The following MAOB variants were observed in gnomAD, a reference collection of about 807,000 sequenced individuals.
MAOB encodes the protein amine oxidase [flavin-containing] B.
A neutral mutation model predicts 41.9 loss-of-function variants in MAOB; 15 were observed. The ratio of observed to expected loss-of-function variants is 0.36; its 90% CI spans 0.24 to 0.55. The LOEUF is 0.55. MAOB is among the 20% of genes least tolerant of loss of function. MAOB has a pLI of 0.86. For synonymous variants in MAOB, 167 were observed against 144.2 expected, an observed-to-expected ratio of 1.16 and a Z score of -1.13; for missense variants, 345 against 398.7, an observed-to-expected ratio of 0.87 and a Z score of 1.15.
chrX:43,844,852 AG>A (rs774908165), intron 1 of MAOB, among the ~76,000 whole-genome samples: 7 of 111,526 alleles, frequency 6.3e-5, no homozygotes, highest in Non-Finnish European at 1.3e-4. Context: ...CCTGGTTCTG[AG>A]GCTTCCAGAC....
chrX:43,882,166 C>T, intron 1 of MAOB, 88 bp downstream of exon 1: 1 of 1,164,544 alleles, frequency 8.6e-7, no homozygotes, highest in Non-Finnish European at 1.1e-6. Context: ...GGGTCAGCCC[C>T]TGCCCCACGG....
chrX:43,836,291 A>T (rs188444159), intron 3 of MAOB, among the ~76,000 whole-genome samples: 3 of 112,124 alleles, frequency 2.7e-5, no homozygotes, highest in Non-Finnish European at 5.6e-5. Context: ...CAGGTCAAAA[A>T]TGAGAAAAAT....
chrX:43,874,096 GT>G (rs1344769215), intron 1 of MAOB, among the ~76,000 whole-genome samples: 1 of 112,067 alleles, frequency 8.9e-6, no homozygotes, highest in Non-Finnish European at 1.9e-5. Context: ...TCTGTTTTTA[GT>G]TTTTTAAAGA....
rs755412723 is a variant in MAOB, at chrX:43,775,197, C to T, written c.1213G>A (p.Gly405Arg). The change falls in exon 12 of 15, where the codon GGG becomes AGG. Residue 405 changes from glycine (G) to arginine (R), a missense_variant. Physicochemically the swap from Gly to Arg is moderately radical, Grantham distance 125. Transcript: ENST00000378069. Reference sequence around the variant, plus strand: ...TACCTTCCATATTGAGTCAGGATCCCAGGGGGGAAATAAGTTGTGTAGCAG... The same window carrying T: ...TACCTTCCATATTGAGTCAGGATCCTAGGGGGGAAATAAGTTGTGTAGCAG... ...GGCYTTYFPPGILTQYGRVLR... is the reference protein window; with the variant it reads ...GGCYTTYFPPRILTQYGRVLR... 16 of 1,196,602 alleles carry T rather than the reference C, an allele frequency of 1.3e-5. No homozygotes were observed. Among genetic ancestry groups the T allele is most frequent in the Non-Finnish European group, 1.8e-5 (16 of 890,141 alleles).
At position 43,769,801 on chromosome X, in the gene MAOB, G is replaced by T. The variant is rs1439788089; in HGVS notation, c.1236-383C>A. 1.8e-5 allele frequency among the ~76,000 whole-genome samples: 2 copies of T among 111,327 alleles called. 1 individual carries two copies. The highest frequency in any genetic ancestry group is 1.9e-4 in the Admixed American group (2 of 10,505). ...ATTCCCCACTGGCTATTCCACTAGT[G>T]AACTTGGCAAATCACTTACTCTCAC... On this transcript the variant is annotated intron_variant, in intron 12 of 14. Coordinates refer to ENST00000378069, the MANE Select transcript of MAOB (RefSeq NM_000898.5).
chrX:43,808,697 TAG>T (rs1491545696), intron 3 of MAOB, among the ~76,000 whole-genome samples: 9 of 91,477 alleles, frequency 9.8e-5, no homozygotes, highest in Non-Finnish European at 1.7e-4. Context: ...TATCTACACA[TAG>T]ACACACACAC....
chrX:43,873,556 A>T (rs1024027755), intron 1 of MAOB, among the ~76,000 whole-genome samples: 1 of 111,852 alleles, frequency 8.9e-6, no homozygotes. Flanking sequence ...TTAAGATGCC[A>T]TTAAATGGAG....
At chrX:43,857,114 TATAGAGAG>T (rs1418337189) in intron 1 of MAOB, among the ~76,000 whole-genome samples, 44 of 11,454 alleles carry the variant, frequency 3.8e-3, no homozygotes, top group Non-Finnish European at 5.4e-3. Context: ...TATATATATA[TATAGAGAG>T]AGAGAGAGAG....
At chrX:43,876,231 A>G (rs1365172051) in intron 1 of MAOB, among the ~76,000 whole-genome samples, 1 of 112,041 alleles carries the variant, frequency 8.9e-6, no homozygotes, top group Non-Finnish European at 1.9e-5. Flanking sequence ...AAGTGCTGGG[A>G]TTACAGGTGT....
At chrX:43,827,771 G>C (rs1224366702) in intron 3 of MAOB, among the ~76,000 whole-genome samples, 1 of 112,060 alleles carries the variant, frequency 8.9e-6, no homozygotes, top group Non-Finnish European at 1.9e-5. Flanking sequence ...GGCTGGACCA[G>C]GGTGAGCTGG....
intron 4 of MAOB, among the ~76,000 whole-genome samples, chrX:43,802,857 T>C (rs1372074395): frequency 9.0e-6 from 1 of 110,955 alleles, no homozygotes. Context: ...GACGATGGGT[T>C]GATAGATGCA....
chrX:43,816,244 G>A (rs1457178172), intron 3 of MAOB, among the ~76,000 whole-genome samples: 1 of 111,832 alleles, frequency 8.9e-6, no homozygotes, highest in Non-Finnish European at 1.9e-5. Flanking sequence ...GAGGCCTGTG[G>A]GGGCTGTAGC....
intron 8 of MAOB, among the ~76,000 whole-genome samples, chrX:43,785,094 G>A (rs1342300371): frequency 8.8e-6 from 1 of 113,134 alleles, no homozygotes; most frequent in African/African-American, 3.2e-5. Context: ...GTTGCCGTGA[G>A]CCGAGATCGC....
In MAOB at chrX:43,803,321, T is replaced by C; in HGVS notation, c.363A>G (p.Thr121=). ...TYLDHNNFWR[T]MDDMGREIPS... The stretch of plus-strand genomic sequence containing the variant: ...TTACCTCTCGCCCCATGTCATCCAT[T>C]GTCCTCCAAAAGTTGTTATGATCTA... Residue 121 remains threonine, a synonymous_variant, in exon 4 of 15, where the codon ACA becomes ACG. Transcript: ENST00000378069. 1 of 1,165,496 alleles carries C rather than the reference T, an allele frequency of 8.6e-7. No homozygotes were observed. The highest frequency in any genetic ancestry group is 1.1e-6 in the Non-Finnish European group (1 of 877,392).
chrX:43,787,963 T>A (rs2034420880), intron 8 of MAOB, among the ~76,000 whole-genome samples: 2 of 112,068 alleles, frequency 1.8e-5, no homozygotes, highest in Non-Finnish European at 3.8e-5. Flanking sequence ...TTAGCTGGTG[T>A]CTTAGACTGC....
At chrX:43,844,072 T>C in intron 1 of MAOB, 1 of 307,803 alleles carries the variant, frequency 3.2e-6, no homozygotes, top group Non-Finnish European at 4.6e-6. Context: ...AAGGCCATGC[T>C]CAAGAGAAAT....
chrX:43,821,872 G>A (rs2034885523), intron 3 of MAOB, among the ~76,000 whole-genome samples: 1 of 111,580 alleles, frequency 9.0e-6, no homozygotes, highest in Non-Finnish European at 1.9e-5. Flanking sequence ...AATTTTCAAG[G>A]GAACACTTGG....
chrX:43,815,693 G>A (rs2034803907), intron 3 of MAOB, among the ~76,000 whole-genome samples: 1 of 111,957 alleles, frequency 8.9e-6, no homozygotes, highest in Non-Finnish European at 1.9e-5. Flanking sequence ...GGAAGATGAG[G>A]TTGAGAAAGC....
intron 1 of MAOB, among the ~76,000 whole-genome samples, chrX:43,877,740 G>A (rs938856752): frequency 7.2e-5 from 8 of 111,872 alleles, no homozygotes; most frequent in African/African-American, 2.3e-4. Context: ...CTCCTGAAGC[G>A]GAACCCAGTG....
Sources: gnomAD v4.1 joint callset for allele counts (sites outside exome capture counted in the v4.1 genomes callset) on GRCh38, gnomAD v4.1.1 for gene constraint, MANE v1.5 for transcripts, NCBI Gene and HGNC (gene_info 2026-07-23, HGNC 2026-07-21) for gene names.